The following USH2A variants were observed in gnomAD, a reference collection of about 807,000 sequenced individuals.
USH2A encodes the protein usherin, also known as Usher syndrome 2A (autosomal recessive, mild).
In USH2A, 443 loss-of-function variants were observed where a neutral mutation model predicts 538.9. The ratio of observed to expected loss-of-function variants is 0.82; its 90% confidence interval spans 0.76 to 0.89. The LOEUF (loss-of-function observed/expected upper bound fraction) is 0.89, where lower values mean the gene tolerates loss of function less well. USH2A is among the 40% of genes least tolerant of loss of function. The pLI, the probability that USH2A is intolerant of heterozygous loss-of-function variation, is 0.00. For synonymous variants in USH2A, 2,413 were observed against 2,273.5 expected, an observed-to-expected ratio of 1.06 and a Z score of -1.75; for missense variants, 6,633 against 6,324.8, an observed-to-expected ratio of 1.05 and a Z score of -1.65.
At chr1:216,332,674 G>A (rs2037892445) in intron 4 of USH2A, among the ~76,000 whole-genome samples, 1 of 152,048 alleles carries the variant, frequency 6.6e-6, no homozygotes, top group African/African-American at 2.4e-5. Flanking sequence ...AAAATGTATT[G>A]GTTCTAGGCA....
chr1:215,643,478 A>G (rs1656752035), intron 67 of USH2A, among the ~76,000 whole-genome samples: 1 of 152,068 alleles, frequency 6.6e-6, no homozygotes, highest in African/African-American at 2.4e-5. Flanking sequence ...GTGCTAGTCC[A>G]GGTTTAAGCT....
chr1:215,790,215 T>C lies in USH2A; in HGVS notation c.10026A>G (p.Gly3342=). ...SDTICCSASS[G]ESKAHIKKND... is the part of the protein sequence containing the mutation. Reference sequence around the variant, plus strand: ...TCTTTTTAATATGTGCTTTAGACTCTCCACTGGAAGCTGAGCAGCATATGG... The same window carrying C: ...TCTTTTTAATATGTGCTTTAGACTCCCCACTGGAAGCTGAGCAGCATATGG... The change falls in exon 51 of 72, where the codon GGA becomes GGG. Residue 3342 remains glycine (G), a synonymous_variant. Coordinates refer to ENST00000307340, the MANE Select transcript of USH2A (RefSeq NM_206933.4). 10 of 1,614,100 alleles carry C rather than the reference T, an allele frequency of 6.2e-6. No homozygotes were observed. Among genetic ancestry groups the C allele is most frequent in the Non-Finnish European group, 8.5e-6 (10 of 1,180,002 alleles).
At chr1:216,021,284 G>C (rs1668839213) in intron 32 of USH2A, among the ~76,000 whole-genome samples, 1 of 152,170 alleles carries the variant, frequency 6.6e-6, no homozygotes, top group African/African-American at 2.4e-5. Context: ...GACCCGGTGG[G>C]AGATGATTGA....
At chr1:215,766,585 G>T in intron 56 of USH2A, 96 bp downstream of exon 56, 1 of 1,150,320 alleles carries the variant, frequency 8.7e-7, no homozygotes, top group Non-Finnish European at 1.3e-6. Flanking sequence ...CAACTTTATT[G>T]CCTCTTCCTT....
At chr1:215,779,527 A>G (rs971737261) in intron 55 of USH2A, among the ~76,000 whole-genome samples, 4 of 152,158 alleles carry the variant, frequency 2.6e-5, no homozygotes, top group Non-Finnish European at 5.9e-5. Flanking sequence ...ATTAACTATG[A>G]GTATATCCTT....
At chr1:215,770,678 C>A (rs1387846877) in intron 55 of USH2A, among the ~76,000 whole-genome samples, 1 of 152,086 alleles carries the variant, frequency 6.6e-6, no homozygotes, top group Non-Finnish European at 1.5e-5. Context: ...CTCTTCTGTG[C>A]ACTTCATGGG....
chr1:215,877,979 G>A (rs907859185), intron 42 of USH2A, 99 bp from the exon 43 acceptor site: 64 of 1,497,428 alleles, frequency 4.3e-5, no homozygotes, highest in East Asian at 9.1e-5. Context: ...TGATATATGC[G>A]TGGAAGCATA....
intron 47 of USH2A, among the ~76,000 whole-genome samples, chr1:215,828,198 C>T (rs991131122): frequency 7.2e-5 from 11 of 152,056 alleles, no homozygotes; most frequent in African/African-American, 2.4e-4. Flanking sequence ...ATCTGTAATA[C>T]CAGCAATTTA....
intron 61 of USH2A, among the ~76,000 whole-genome samples, chr1:215,684,421 C>T (rs1375281583): frequency 2.0e-5 from 3 of 152,188 alleles, no homozygotes; most frequent in Non-Finnish European, 2.9e-5. Context: ...CAATAAAAGG[C>T]TGTGTGGGGA....
chr1:215,710,456 G>T (rs993361097), intron 61 of USH2A, among the ~76,000 whole-genome samples: 2 of 152,168 alleles, frequency 1.3e-5, no homozygotes, highest in African/African-American at 4.8e-5. Context: ...CAGGGGCAAA[G>T]ATTTTCCAAA....
Position 215,634,445 on chromosome 1 carries a change from C to A in USH2A, c.15297+14G>T. 1.2e-6 allele frequency: 2 copies of A among 1,614,160 alleles called. No individual in the cohort carries two copies. The highest frequency in any genetic ancestry group is 8.5e-7 in the Non-Finnish European group (1 of 1,180,032). On this transcript the variant is annotated intron_variant, in intron 70 of 71. Transcript: ENST00000307340. ...CAGTGATAGGGAAATGGGGCCACAC[C>A]TCTACAAACATACCATATGGTTTTC...
intron 47 of USH2A, among the ~76,000 whole-genome samples, chr1:215,823,641 TGTTTACCTTCCTC>T (rs1183555902): frequency 6.6e-6 from 1 of 152,120 alleles, no homozygotes; most frequent in Non-Finnish European, 1.5e-5. Flanking sequence ...CTCTTGCTCT[TGTTTACCTTCCTC>T]TTGAACACCA....
chr1:216,408,042 T>C (rs774150200), intron 3 of USH2A, among the ~76,000 whole-genome samples: 12 of 152,168 alleles, frequency 7.9e-5, no homozygotes, highest in Non-Finnish European at 1.6e-4. Context: ...TCCTTTTACA[T>C]ATATTATACA....
chr1:215,919,105 AT>A (rs1324172886), intron 38 of USH2A, among the ~76,000 whole-genome samples: 1 of 152,082 alleles, frequency 6.6e-6, no homozygotes, highest in African/African-American at 2.4e-5. Flanking sequence ...ATCACCCCCA[AT>A]TCCCAAGAAT....
intron 37 of USH2A, among the ~76,000 whole-genome samples, chr1:215,937,834 A>G (rs1420694830): frequency 6.6e-6 from 1 of 152,190 alleles, no homozygotes; most frequent in African/African-American, 2.4e-5. Context: ...TACAAAATCA[A>G]TGAGTAAATA....
intron 21 of USH2A, among the ~76,000 whole-genome samples, chr1:216,164,666 C>T (rs1017499068): frequency 6.6e-6 from 1 of 152,038 alleles, no homozygotes. Context: ...CAACAAAAAA[C>T]AGGTCAGAGG....
intron 71 of USH2A, among the ~76,000 whole-genome samples, chr1:215,627,502 TTCTTTCC>T (rs1656097232): frequency 6.8e-6 from 1 of 147,554 alleles, no homozygotes; most frequent in East Asian, 2.1e-4. Flanking sequence ...CCTTCCTTCC[TTCTTTCC>T]TTCCTTCCTT....
chr1:216,165,849 T>C (rs2034156846), intron 21 of USH2A, among the ~76,000 whole-genome samples: 1 of 150,570 alleles, frequency 6.6e-6, no homozygotes, highest in Non-Finnish European at 1.5e-5. Context: ...GAACAGGCAG[T>C]ATTTGGTTAT....
chr1:215,701,241 G>T (rs1462548919), intron 61 of USH2A, among the ~76,000 whole-genome samples: 1 of 152,166 alleles, frequency 6.6e-6, no homozygotes, highest in African/African-American at 2.4e-5. Flanking sequence ...GTCAGTTTTA[G>T]AATAAGTGTG....
Sources: gnomAD v4.1 joint callset for allele counts (sites outside exome capture counted in the v4.1 genomes callset) on GRCh38, gnomAD v4.1.1 for gene constraint, MANE v1.5 for transcripts, NCBI Gene and HGNC (gene_info 2026-07-23, HGNC 2026-07-21) for gene names.